The following DMD variants were observed in gnomAD, a reference collection of about 807,000 sequenced individuals.
The protein encoded by DMD is dystrophin.
DMD carries 63 observed loss-of-function variants against 330.1 expected under a neutral mutation model. The ratio of observed to expected loss-of-function variants is 0.19; its 90% CI spans 0.16 to 0.24. The LOEUF is 0.24. DMD is among the 10% of genes least tolerant of loss of function. The pLI, the probability that DMD is intolerant of heterozygous loss-of-function variation, is 1.00. For missense variants in DMD, 3,344 were observed against 2,684.1 expected, an observed-to-expected ratio of 1.25 and a Z score of -5.43; for synonymous variants, 1,223 against 959.8, an observed-to-expected ratio of 1.27 and a Z score of -5.07.
chrX:33,155,992 T>C (rs1287257668), intron 1 of DMD, among the ~76,000 whole-genome samples: 2 of 111,605 alleles, frequency 1.8e-5, no homozygotes, highest in African/African-American at 6.5e-5. Flanking sequence ...TTTTCAGATC[T>C]TTGAGCCTCT....
chrX:32,298,733 T>A (rs1362583292), intron 42 of DMD, among the ~76,000 whole-genome samples: 5 of 110,472 alleles, frequency 4.5e-5, no homozygotes, highest in Admixed American at 9.6e-5. Context: ...GGAATTTTAT[T>A]TAGGGGAGGT....
chrX:32,019,118 T>G (rs1255409224), intron 44 of DMD, among the ~76,000 whole-genome samples: 2 of 110,803 alleles, frequency 1.8e-5, no homozygotes, highest in Non-Finnish European at 3.8e-5. Flanking sequence ...TGAGGGCTTT[T>G]TTTTTTCTTT....
chrX:31,678,367 G>T (rs895713981), intron 53 of DMD, among the ~76,000 whole-genome samples: 10 of 111,774 alleles, frequency 8.9e-5, no homozygotes, highest in African/African-American at 3.3e-4. Flanking sequence ...CTCCTACCAT[G>T]TTACTTCCCT....
chrX:31,331,473 TA>T (rs765546673), intron 61 of DMD, among the ~76,000 whole-genome samples: 1 of 110,892 alleles, frequency 9.0e-6, no homozygotes, highest in Non-Finnish European at 1.9e-5. Context: ...CTAACCGACT[TA>T]TAGAAAACTT....
intron 30 of DMD, among the ~76,000 whole-genome samples, chrX:32,401,583 TG>T (rs2098086508): frequency 9.0e-6 from 1 of 111,418 alleles, no homozygotes. Context: ...AGTCAGGGGT[TG>T]GGGAGGAAGT....
intron 47 of DMD, among the ~76,000 whole-genome samples, chrX:31,907,527 C>A (rs997179365): frequency 3.6e-5 from 4 of 111,937 alleles, no homozygotes; most frequent in Non-Finnish European, 7.5e-5. Context: ...AAAGCTGAAA[C>A]TGGATCCCTT....
At chrX:32,494,131 C>A (rs2043258636) in intron 19 of DMD, among the ~76,000 whole-genome samples, 1 of 111,502 alleles carries the variant, frequency 9.0e-6, no homozygotes, top group Non-Finnish European at 1.9e-5. Flanking sequence ...CCAATAGGCT[C>A]TGCAGTATCC....
At chrX:31,517,156 G>A in intron 55 of DMD, among the ~76,000 whole-genome samples, 1 of 111,811 alleles carries the variant, frequency 8.9e-6, no homozygotes, top group Admixed American at 9.6e-5. Context: ...TGTGCATTAA[G>A]TACCTATTGT....
intron 37 of DMD, among the ~76,000 whole-genome samples, chrX:32,357,573 C>T (rs2097807458): frequency 9.1e-6 from 1 of 109,506 alleles, no homozygotes; most frequent in South Asian, 4.0e-4. Context: ...TAGACTACTG[C>T]AATAGCTCCC....
At chrX:33,034,082 T>C (rs1001088787) in intron 1 of DMD, among the ~76,000 whole-genome samples, 2 of 111,208 alleles carry the variant, frequency 1.8e-5, no homozygotes, top group African/African-American at 6.5e-5. Flanking sequence ...CATATTGTTA[T>C]ATACATACAT....
chrX:32,824,561 T>C (rs1186441692), intron 4 of DMD, among the ~76,000 whole-genome samples: 2 of 111,260 alleles, frequency 1.8e-5, no homozygotes, highest in East Asian at 5.7e-4. Context: ...GTTACAGAAA[T>C]AGAGAACAGA....
chrX:32,711,236 GTTC>G (rs1276213157), intron 7 of DMD, among the ~76,000 whole-genome samples: 5 of 111,598 alleles, frequency 4.5e-5, no homozygotes, highest in Non-Finnish European at 9.4e-5. Context: ...ATAGCTTCCA[GTTC>G]TTCTTGACTC....
At chrX:32,005,781 T>C (rs2095657486) in intron 44 of DMD, among the ~76,000 whole-genome samples, 3 of 111,871 alleles carry the variant, frequency 2.7e-5, no homozygotes, top group Admixed American at 1.9e-4. Context: ...TAATATCAAA[T>C]ATCATTATTG....
chrX:32,821,760 C>G (rs2078279293), intron 5 of DMD, among the ~76,000 whole-genome samples: 1 of 110,737 alleles, frequency 9.0e-6, no homozygotes, highest in African/African-American at 3.3e-5. Context: ...AAGGCAAATA[C>G]ATATGGACAG....
chrX:31,150,088 A>G (rs1231444042), intron 74 of DMD, among the ~76,000 whole-genome samples: 1 of 111,760 alleles, frequency 8.9e-6, no homozygotes, highest in Admixed American at 9.5e-5. Flanking sequence ...AATTGTCCAT[A>G]TCTTTATTAA....
intron 30 of DMD, among the ~76,000 whole-genome samples, chrX:32,398,207 A>T (rs971322747): frequency 1.8e-4 from 20 of 110,430 alleles, no homozygotes; most frequent in African/African-American, 6.2e-4. Context: ...CTTTATAATA[A>T]TTCAACAAGT....
At chrX:31,174,746 G>A (rs1365279596) in intron 71 of DMD, among the ~76,000 whole-genome samples, 1 of 111,710 alleles carries the variant, frequency 9.0e-6, no homozygotes, top group Non-Finnish European at 1.9e-5. Flanking sequence ...GCAGTTACCA[G>A]TAGCTAAGCT....
intron 28 of DMD, among the ~76,000 whole-genome samples, chrX:32,439,901 G>A (rs944141272): frequency 1.8e-5 from 2 of 111,293 alleles, no homozygotes; most frequent in African/African-American, 6.5e-5. Context: ...TGTGGGCATT[G>A]TGAGGGCCTC....
At chrX:32,655,877 C>T (rs1257726703) in intron 9 of DMD, among the ~76,000 whole-genome samples, 1 of 111,238 alleles carries the variant, frequency 9.0e-6, no homozygotes, top group African/African-American at 3.3e-5. Flanking sequence ...TGAATTGATC[C>T]CTTTACCATT....
Sources: allele counts gnomAD v4.1 joint callset (sites outside exome capture counted in the v4.1 genomes callset), GRCh38; gene constraint gnomAD v4.1.1; transcripts MANE v1.5; gene names NCBI Gene and HGNC (gene_info 2026-07-23, HGNC 2026-07-21).